Variants in TMEM51 observed in about 807,000 individuals in gnomAD.
TMEM51 encodes the protein transmembrane protein 51.
In TMEM51, 8 loss-of-function variants were observed where a neutral mutation model predicts 13.6. The observed-to-expected ratio is 0.59, with a 90% CI of 0.35 to 1.07. TMEM51 has a LOEUF of 1.07. Among genes scored for constraint, TMEM51 ranks in the 50% least tolerant of loss-of-function variants. The pLI, the probability that TMEM51 is intolerant of heterozygous loss-of-function variation, is 0.02. For missense variants in TMEM51, 279 were observed against 330.7 expected (o/e 0.84, Z 1.21); for synonymous variants, 147 against 144.4 (o/e 1.02, Z -0.13).
At chr1:15,178,506 G>A (rs1643517094) in intron 1 of TMEM51, among the ~76,000 whole-genome samples, 1 of 152,170 alleles carries the variant, frequency 6.6e-6, no homozygotes, top group African/African-American at 2.4e-5. Flanking sequence ...TTAGCAGACC[G>A]CAAGGTAGTG....
At chr1:15,178,577 C>A (rs1354346633) in intron 1 of TMEM51, among the ~76,000 whole-genome samples, 1 of 152,208 alleles carries the variant, frequency 6.6e-6, no homozygotes, top group African/African-American at 2.4e-5. Context: ...CTTCCTGACC[C>A]CCATCTGCTG....
chr1:15,203,388 G>C (rs1644192533), intron 1 of TMEM51, among the ~76,000 whole-genome samples: 1 of 151,870 alleles, frequency 6.6e-6, no homozygotes, highest in Non-Finnish European at 1.5e-5. Flanking sequence ...CCGAGTAGCT[G>C]GGATTACAGG....
chr1:15,206,329 C>T (rs34073568), intron 1 of TMEM51, among the ~76,000 whole-genome samples: 18,664 of 150,622 alleles, frequency 0.12, 1,314 homozygotes, highest in South Asian at 0.18. Flanking sequence ...TGTCCTGAAA[C>T]ACCTCTGGGA....
At chr1:15,172,923 G>A (rs1042594697) in intron 1 of TMEM51, among the ~76,000 whole-genome samples, 23 of 152,110 alleles carry the variant, frequency 1.5e-4, no homozygotes, top group African/African-American at 5.1e-4. Flanking sequence ...AGAAAACGTC[G>A]TCGTTATGTG....
At chr1:15,215,549 T>C (rs993245954) in intron 3 of TMEM51, 118 bp downstream of exon 3, 1 of 984,916 alleles carries the variant, frequency 1.0e-6, no homozygotes, top group Non-Finnish European at 1.4e-6. Context: ...TATTGTCCCA[T>C]GTTCGCCCAT....
At chr1:15,153,593 C>G (rs1332904904), upstream of TMEM51, 4 of 152,140 alleles carry the variant, frequency 2.6e-5, no homozygotes, top group African/African-American at 9.7e-5. Context: ...CCGCCTCGCT[C>G]AGCTGCGATC....
chr1:15,183,723 G>A (rs1643687488), intron 1 of TMEM51, among the ~76,000 whole-genome samples: 1 of 152,204 alleles, frequency 6.6e-6, no homozygotes, highest in Non-Finnish European at 1.5e-5. Context: ...AAACAGGCAA[G>A]GCAACAAATA....
intron 1 of TMEM51, among the ~76,000 whole-genome samples, chr1:15,166,903 T>C (rs1026551399): frequency 5.3e-5 from 8 of 152,170 alleles, no homozygotes; most frequent in African/African-American, 1.9e-4. Context: ...TTTGTAGTCT[T>C]TCCTGTCTCC....
At chr1:15,152,948 TG>T (rs557049204), upstream of TMEM51, among the ~76,000 whole-genome samples, 186 of 152,216 alleles carry the variant, frequency 1.2e-3, no homozygotes, top group African/African-American at 4.4e-3. Flanking sequence ...TCGGCAAAGC[TG>T]GGGATGAGCC....
chr1:15,215,168 C>A lies in TMEM51; in HGVS notation c.81C>A (p.Ile27=), dbSNP rs1393479647. 3 of 1,614,204 alleles carry A rather than the reference C, an allele frequency of 1.9e-6. No individual in the cohort carries two copies. Among genetic ancestry groups the A allele is most frequent in the Non-Finnish European group, 2.5e-6 (3 of 1,180,046 alleles). Residue 27 remains isoleucine, a synonymous_variant, in exon 3 of 4, where the codon ATC becomes ATA. Transcript: ENST00000376008. ...IGLGMLVLGV[I]MAMWNLVPGF... is the part of the protein sequence containing the mutation. ...TGGGGATGCTGGTCCTTGGGGTGATCATGGCCATGTGGAACCTGGTACCCG... is the reference window on the plus strand; with the variant it reads ...TGGGGATGCTGGTCCTTGGGGTGATAATGGCCATGTGGAACCTGGTACCCG...
At chr1:15,179,001 A>T (rs1643532895) in intron 1 of TMEM51, among the ~76,000 whole-genome samples, 1 of 152,158 alleles carries the variant, frequency 6.6e-6, no homozygotes, top group Non-Finnish European at 1.5e-5. Flanking sequence ...AGCTAAATGG[A>T]AATCAAAATG....
intron 1 of TMEM51, among the ~76,000 whole-genome samples, chr1:15,208,254 T>C (rs1324108008): frequency 6.6e-6 from 1 of 152,110 alleles, no homozygotes; most frequent in Non-Finnish European, 1.5e-5. Context: ...AGAGGAGGCA[T>C]TTCCACTGGA....
At chr1:15,170,870 A>G (rs1643241404) in intron 1 of TMEM51, among the ~76,000 whole-genome samples, 2 of 152,056 alleles carry the variant, frequency 1.3e-5, no homozygotes, top group African/African-American at 4.8e-5. Context: ...CTGGGACTAC[A>G]GGCGCCCTCC....
intron 2 of TMEM51, among the ~76,000 whole-genome samples, chr1:15,214,218 C>T (rs1449432510): frequency 2.6e-5 from 4 of 151,982 alleles, no homozygotes; most frequent in African/African-American, 9.7e-5. Flanking sequence ...AGAGACTCAC[C>T]ACGGTGGTTG....
At chr1:15,187,670 TC>T (rs1643822443) in intron 1 of TMEM51, among the ~76,000 whole-genome samples, 1 of 152,178 alleles carries the variant, frequency 6.6e-6, no homozygotes, top group Non-Finnish European at 1.5e-5. Context: ...CCAGAGGCAT[TC>T]CCACCACGGT....
chr1:15,157,168 G>A (rs1203641130), intron 1 of TMEM51, among the ~76,000 whole-genome samples: 2 of 152,136 alleles, frequency 1.3e-5, no homozygotes, highest in East Asian at 3.9e-4. Context: ...ACCAGAGATA[G>A]CCCTCTGAGG....
At chr1:15,208,660 G>C (rs1160153897) in intron 1 of TMEM51, among the ~76,000 whole-genome samples, 1 of 151,972 alleles carries the variant, frequency 6.6e-6, no homozygotes. Flanking sequence ...TAAGTAGCCA[G>C]ACAAAAGAGA....
upstream of TMEM51, chr1:15,153,692 G>T (rs1642476303): frequency 6.6e-6 from 1 of 151,668 alleles, no homozygotes; most frequent in Non-Finnish European, 1.5e-5. Flanking sequence ...GCCGCTCCTG[G>T]CCGGCACCGC....
At chr1:15,216,864 T>A (rs543804096) in intron 3 of TMEM51, among the ~76,000 whole-genome samples, 5 of 152,304 alleles carry the variant, frequency 3.3e-5, no homozygotes, top group Admixed American at 3.3e-4. Flanking sequence ...TATGGTCCCA[T>A]CAAATGTTGT....
Sources: allele counts gnomAD v4.1 joint callset (sites outside exome capture counted in the v4.1 genomes callset), GRCh38; gene constraint gnomAD v4.1.1; transcripts MANE v1.5; gene names NCBI Gene and HGNC (gene_info 2026-07-23, HGNC 2026-07-21).